KIAA1210: variants seen among roughly 807,000 people sequenced by gnomAD.
The protein encoded by KIAA1210 is KIAA1210.
In KIAA1210, 48 loss-of-function variants were observed where a neutral mutation model predicts 78.9. That is an observed-to-expected ratio of 0.61 (90% CI 0.48 to 0.77). The LOEUF (loss-of-function observed/expected upper bound fraction) is 0.77. Ranked by LOEUF, KIAA1210 falls within the 30% of genes least tolerant of loss-of-function variation. The pLI, the probability that KIAA1210 is intolerant of heterozygous loss-of-function variation, is 0.00. For missense variants in KIAA1210, 1,108 were observed against 1,100.0 expected (o/e 1.01, Z -0.10); for synonymous variants, 406 against 404.5 (o/e 1.00, Z -0.04).
At chrX:119,092,314 C>A in intron 8 of KIAA1210, among the ~76,000 whole-genome samples, 1 of 111,747 alleles carries the variant, frequency 8.9e-6, no homozygotes, top group Non-Finnish European at 1.9e-5. Context: ...ATCCTTAGCT[C>A]CATCCAGTAG....
At chrX:119,150,103 T>C (rs957871896) in intron 1 of KIAA1210, among the ~76,000 whole-genome samples, 1 of 112,324 alleles carries the variant, frequency 8.9e-6, no homozygotes, top group Non-Finnish European at 1.9e-5. Context: ...CAGGTTTGTG[T>C]GGTGCTTTAC....
In KIAA1210 at chrX:119,081,052, A is replaced by G. The variant is rs1926934128; in HGVS notation, c.*277T>C. ...GCTGAGGCGGGCGGATCACGAGGTC[A>G]GGAGATCAAGACCATCCTGGCCAAC... On this transcript the variant is annotated 3_prime_UTR_variant, in exon 12 of 12. Coordinates refer to ENST00000691062, the MANE Select transcript of KIAA1210 (RefSeq NM_001394962.1). 2.2e-5 allele frequency: 4 copies of G among 179,631 alleles called. No individual in the cohort carries two copies. The highest frequency in any genetic ancestry group is 1.9e-3 in the Middle Eastern group (1 of 535). 14.8% of individuals were successfully genotyped at this position (179,631 alleles called of 1,213,427 possible). A position where few individuals can be genotyped will look rare whatever the true frequency, so the allele number is the denominator to read the frequency against.
chrX:119,107,038 G>A (rs1332329864), intron 5 of KIAA1210, among the ~76,000 whole-genome samples: 6 of 111,824 alleles, frequency 5.4e-5, no homozygotes, highest in Admixed American at 9.5e-5. Flanking sequence ...TGTCATTTTG[G>A]TACTTAAGGG....
intron 2 of KIAA1210, among the ~76,000 whole-genome samples, chrX:119,143,779 T>A (rs1274006649): frequency 1.8e-5 from 2 of 112,264 alleles, no homozygotes; most frequent in Non-Finnish European, 3.8e-5. Context: ...GAGGGCAACC[T>A]ATGTGTGCCT....
At chrX:119,101,570 A>G (rs1198882793) in intron 6 of KIAA1210, among the ~76,000 whole-genome samples, 1 of 111,455 alleles carries the variant, frequency 9.0e-6, no homozygotes, top group African/African-American at 3.3e-5. Context: ...GTGAGACCCA[A>G]TAATGGCTGT....
At chrX:119,094,012 G>C in intron 7 of KIAA1210, 2 of 1,202,199 alleles carry the variant, frequency 1.7e-6, no homozygotes, top group Non-Finnish European at 1.1e-6. Context: ...TCCAGGTTTG[G>C]AGTTTCTAAT....
rs886977685 is a variant in KIAA1210 at position 119,087,272 on chromosome X, C to G, written c.3430G>C (p.Glu1144Gln). The change falls in exon 9 of 12, where the codon GAG (glutamate) becomes CAG (glutamine). Residue 1144 changes from glutamate (E) to glutamine (Q), a missense_variant. By Grantham distance (29) the Glu-to-Gln change is conservative (BLOSUM62 2). Coordinates refer to ENST00000691062, the MANE Select transcript of KIAA1210 (RefSeq NM_001394962.1). Reference sequence around the variant, plus strand: ...AGCTGCTTTTTAGAATTCCTCCACTCTTTAGGAGAACTGGCAGAAACAGGG... The same window carrying G: ...AGCTGCTTTTTAGAATTCCTCCACTGTTTAGGAGAACTGGCAGAAACAGGG... Reference protein sequence around the residue: ...VSPVSASSPKEWRNSKKQLPP... With the variant: ...VSPVSASSPKQWRNSKKQLPP... The G allele has an allele frequency of 5.8e-6, 7 of 1,211,275 alleles. No individual in the cohort carries two copies. Among genetic ancestry groups the G allele is most frequent in the Non-Finnish European group, 7.8e-6 (7 of 895,288 alleles).
intron 2 of KIAA1210, among the ~76,000 whole-genome samples, chrX:119,118,535 G>A (rs547046031): frequency 2.7e-5 from 3 of 112,278 alleles, no homozygotes; most frequent in East Asian, 5.6e-4. Context: ...GTATGTAAGC[G>A]GAATGTCTGG....
At chrX:119,111,528 T>A (rs1928072601) in intron 3 of KIAA1210, among the ~76,000 whole-genome samples, 1 of 107,845 alleles carries the variant, frequency 9.3e-6, no homozygotes, top group African/African-American at 3.4e-5. Flanking sequence ...CACCGCATGT[T>A]GTCACTCATA....
At chrX:119,108,976 G>T in intron 4 of KIAA1210, 100 bp downstream of exon 4, 1 of 916,207 alleles carries the variant, frequency 1.1e-6, no homozygotes, top group Non-Finnish European at 1.5e-6. Flanking sequence ...CAGCTGAGAA[G>T]CAGAACCAAG....
At chrX:119,132,344 C>T (rs1036212062), upstream of KIAA1210, among the ~76,000 whole-genome samples, 1 of 111,457 alleles carries the variant, frequency 9.0e-6, no homozygotes, top group Non-Finnish European at 1.9e-5. Context: ...GTCCTAGAGG[C>T]TCTAGCTCTA....
chrX:119,088,307 T>C lies in KIAA1210; in HGVS notation c.2395A>G (p.Ser799Gly). Residue 799 changes from serine to glycine, a missense_variant, in exon 9 of 12, where the codon AGC becomes GGC. Coordinates refer to ENST00000691062, the MANE Select transcript of KIAA1210 (RefSeq NM_001394962.1). Reference protein sequence around the residue: ...SSPKSMAVEESISMKPLPPKL... With the variant: ...SSPKSMAVEEGISMKPLPPKL... Reference sequence around the variant, plus strand: ...GGAGGCAGAGGCTTCATAGAAATGCTCTCTTCAACAGCCATGCTCTTTGGA... The same window carrying C: ...GGAGGCAGAGGCTTCATAGAAATGCCCTCTTCAACAGCCATGCTCTTTGGA... The C allele has an allele frequency of 8.3e-7, 1 of 1,210,930 alleles. No homozygotes were observed. The highest frequency in any genetic ancestry group is 3.0e-5 in the East Asian group (1 of 33,780).
intron 7 of KIAA1210, among the ~76,000 whole-genome samples, chrX:119,095,844 G>A (rs1436342217): frequency 8.9e-6 from 1 of 112,202 alleles, no homozygotes; most frequent in Non-Finnish European, 1.9e-5. Flanking sequence ...GGCCCTGAAG[G>A]ACATATTGAG....
intron 2 of KIAA1210, among the ~76,000 whole-genome samples, chrX:119,135,166 G>A (rs1210536372): frequency 8.9e-6 from 1 of 111,732 alleles, no homozygotes; most frequent in Admixed American, 9.5e-5. Context: ...GGATTTTAAA[G>A]CCCATGATTC....
In KIAA1210 at chrX:119,117,194, C is replaced by T. The variant is rs776135687; in HGVS notation, c.62-530G>A. ...TCCTAGCCTGCGTGCTCAAAGGATGCAGACCCAAAGAGTGAGTGCGGTTGG... is the reference window on the plus strand; with the variant it reads ...TCCTAGCCTGCGTGCTCAAAGGATGTAGACCCAAAGAGTGAGTGCGGTTGG... On this transcript the variant is annotated intron_variant, in intron 2 of 11. Coordinates refer to ENST00000691062, the MANE Select transcript of KIAA1210 (RefSeq NM_001394962.1). 2.7e-5 allele frequency among the ~76,000 whole-genome samples: 3 copies of T among 112,439 alleles called. No individual in the cohort carries two copies. In the East Asian group the frequency reaches 8.4e-4, roughly 31 times the overall value.
At chrX:119,147,182 G>A (rs750125899) in intron 2 of KIAA1210, among the ~76,000 whole-genome samples, 2 of 111,216 alleles carry the variant, frequency 1.8e-5, no homozygotes, top group Admixed American at 9.6e-5. Flanking sequence ...AGATGCTATG[G>A]GAAGATGGGT....
At chrX:119,110,584 G>A (rs34956248) in intron 3 of KIAA1210, among the ~76,000 whole-genome samples, 1,323 of 111,633 alleles carry the variant, frequency 0.012, 20 homozygotes, top group African/African-American at 0.041. Flanking sequence ...TAATGAATAC[G>A]CTAAAAATGA....
At chrX:119,084,614 CTG>C (rs1404986209) in intron 10 of KIAA1210, among the ~76,000 whole-genome samples, 1 of 110,166 alleles carries the variant, frequency 9.1e-6, no homozygotes, top group Non-Finnish European at 1.9e-5. Context: ...TTTGGGGACT[CTG>C]AGGGAAAGGG....
At position 119,144,971 on chromosome X, in the gene KIAA1210, A is replaced by T. The variant is rs192930491; in HGVS notation, c.410+2502T>A. 7.3e-3 allele frequency among the ~76,000 whole-genome samples: 812 copies of T among 111,892 alleles called. 10 individuals carry two copies. Among genetic ancestry groups the T allele is most frequent in the African/African-American group, 0.025 (773 of 30,764 alleles). ...GCCTCTAACACTGAATCCAATAGGA[A>T]AGCCACTAGCCACATGTGGTTGTTT... is the stretch of plus-strand genomic sequence containing the variant. On this transcript the variant is annotated intron_variant, in intron 2 of 13. Coordinates refer to the KIAA1210 transcript ENST00000402510.
Sources: gnomAD v4.1 joint callset for allele counts (sites outside exome capture counted in the v4.1 genomes callset) on GRCh38, gnomAD v4.1.1 for gene constraint, MANE v1.5 for transcripts, NCBI Gene and HGNC (gene_info 2026-07-23, HGNC 2026-07-21) for gene names.